The following BTBD8 variants were observed in gnomAD, a reference collection of about 807,000 sequenced individuals.
BTBD8 encodes BTB/POZ domain-containing protein 8.
A neutral mutation model predicts 162.9 loss-of-function variants in BTBD8; 110 were observed. The ratio of observed to expected loss-of-function variants is 0.68; its 90% CI spans 0.58 to 0.79. BTBD8 has a LOEUF of 0.79. BTBD8 is among the 30% of genes least tolerant of loss of function. The probability of loss-of-function intolerance (pLI) is 0.00; values close to 1 mark genes in which losing one functional copy is unlikely to be tolerated. For synonymous variants in BTBD8, 667 were observed against 716.1 expected, an observed-to-expected ratio of 0.93 and a Z score of 1.10; for missense variants, 1,905 against 2,085.4, an observed-to-expected ratio of 0.91 and a Z score of 1.68.
chr1:92,093,187 A>ATTTT (rs5776134), intron 2 of BTBD8, among the ~76,000 whole-genome samples: 11 of 119,844 alleles, frequency 9.2e-5, no homozygotes, highest in African/African-American at 1.9e-4. Context: ...TGAAATACCA[A>ATTTT]TTTTTTTTTT....
intron 4 of BTBD8, chr1:92,126,051 TG>T: frequency 4.1e-6 from 2 of 486,652 alleles, no homozygotes; most frequent in Admixed American, 2.3e-5. Context: ...ACTGAGAATG[TG>T]GAAGATGTAT....
chr1:92,164,751 TC>T (rs933618450), intron 9 of BTBD8, among the ~76,000 whole-genome samples: 31 of 149,780 alleles, frequency 2.1e-4, no homozygotes, highest in Admixed American at 1.7e-3. Flanking sequence ...AAGCTCTGCC[TC>T]CCGGGTTCAT....
At chr1:92,094,399 A>T (rs1010898878) in intron 2 of BTBD8, among the ~76,000 whole-genome samples, 1 of 152,256 alleles carries the variant, frequency 6.6e-6, no homozygotes, top group Admixed American at 6.5e-5. Context: ...ACAATGGAAA[A>T]TGTTGACATG....
intron 2 of BTBD8, among the ~76,000 whole-genome samples, chr1:92,100,214 A>G (rs762196024): frequency 2.6e-5 from 4 of 152,286 alleles, no homozygotes; most frequent in African/African-American, 4.8e-5. Context: ...TCCCTTTTAT[A>G]TGCTGCTGGA....
intron 9 of BTBD8, chr1:92,150,688 T>G (rs1650024914): frequency 6.6e-6 from 1 of 152,090 alleles, no homozygotes; most frequent in African/African-American, 2.4e-5. Context: ...CAGCGCAGGG[T>G]GCACTCACAG....
At chr1:92,148,597 G>A (rs1649980271) in intron 9 of BTBD8, among the ~76,000 whole-genome samples, 1 of 152,158 alleles carries the variant, frequency 6.6e-6, no homozygotes, top group African/African-American at 2.4e-5. Context: ...CTCTAGCCAG[G>A]ATTTATGGGC....
At chr1:92,096,298 G>A (rs2101898468) in intron 2 of BTBD8, among the ~76,000 whole-genome samples, 1 of 152,148 alleles carries the variant, frequency 6.6e-6, no homozygotes, top group East Asian at 1.9e-4. Context: ...ATCCTCTTAT[G>A]TCCTCATTTC....
chr1:92,121,622 G>A (rs1197552850), intron 4 of BTBD8, among the ~76,000 whole-genome samples: 6 of 152,094 alleles, frequency 3.9e-5, no homozygotes, highest in African/African-American at 1.4e-4. Context: ...TTAAAGTCCA[G>A]TTCTATGAAT....
At chr1:92,173,176 C>G (rs899559290) in intron 13 of BTBD8, among the ~76,000 whole-genome samples, 1 of 152,198 alleles carries the variant, frequency 6.6e-6, no homozygotes, top group Non-Finnish European at 1.5e-5. Context: ...CTGCCCGCCT[C>G]GGCCTCCCAA....
At chr1:92,082,880 A>G (rs189094975) in intron 1 of BTBD8, among the ~76,000 whole-genome samples, 1 of 152,256 alleles carries the variant, frequency 6.6e-6, no homozygotes, top group African/African-American at 2.4e-5. Flanking sequence ...TTGCCATCCT[A>G]CTATTTGCTA....
intron 2 of BTBD8, among the ~76,000 whole-genome samples, chr1:92,098,846 G>T (rs1195179458): frequency 1.3e-5 from 2 of 152,074 alleles, no homozygotes; most frequent in Non-Finnish European, 2.9e-5. Flanking sequence ...GACATGATTT[G>T]CAGAAGTTTT....
intron 9 of BTBD8, 133 bp downstream of exon 9, chr1:92,147,919 C>T: frequency 1.4e-6 from 1 of 726,748 alleles, no homozygotes; most frequent in Non-Finnish European, 2.2e-6. Flanking sequence ...ATTCAGATAA[C>T]CTAATCCTAA....
chr1:92,131,949 A>G (rs1649527070), intron 5 of BTBD8, among the ~76,000 whole-genome samples: 2 of 152,086 alleles, frequency 1.3e-5, no homozygotes, highest in Admixed American at 1.3e-4. Flanking sequence ...ATCTCAAGTG[A>G]TCCTCCCACC....
At chr1:92,183,613 A>G (rs901341513) in intron 17 of BTBD8, among the ~76,000 whole-genome samples, 3 of 152,040 alleles carry the variant, frequency 2.0e-5, no homozygotes, top group Non-Finnish European at 2.9e-5. Flanking sequence ...CTGTATCACA[A>G]GTTTTCAAAT....
At chr1:92,169,574 T>TA (rs200888004) in intron 12 of BTBD8, among the ~76,000 whole-genome samples, 1 of 151,492 alleles carries the variant, frequency 6.6e-6, no homozygotes, top group East Asian at 1.9e-4. Flanking sequence ...AACATGTGTT[T>TA]AAAAAAAATA....
chr1:92,170,276 A>G (rs777208586), intron 12 of BTBD8, among the ~76,000 whole-genome samples: 2 of 152,174 alleles, frequency 1.3e-5, no homozygotes, highest in African/African-American at 2.4e-5. Context: ...CTGTTACATT[A>G]TATCAGTGTA....
chr1:92,181,884 A>G lies in BTBD8; in HGVS notation c.4201A>G (p.Ile1401Val), dbSNP rs1340910547. 6.8e-5 allele frequency: 106 copies of G among 1,551,162 alleles called. No homozygotes were observed. The highest frequency in any genetic ancestry group is 9.8e-5 in the Admixed American group (5 of 50,958). ...TGAAAACGTTGCAGAAAATTTCTCT[A>G]TATCTAACCCAGCTCCTCAGCAGTT... is the stretch of plus-strand genomic sequence containing the variant. ...EAENVAENFSISNPAPQQFQG... is the reference protein window; with the variant it reads ...EAENVAENFSVSNPAPQQFQG... Residue 1401 changes from isoleucine (I) to valine (V), a missense_variant, in exon 17 of 18, where the codon ATA (isoleucine) becomes GTA (valine). Ile to Val is a conservative substitution (Grantham distance 29). Coordinates refer to ENST00000636805, the MANE Select transcript of BTBD8 (RefSeq NM_001376131.1).
At position 92,147,283 on chromosome 1, in the gene BTBD8, G is replaced by C; in HGVS notation, c.1019+15G>C. 1 of 1,578,152 alleles carries C rather than the reference G, an allele frequency of 6.3e-7. No individual in the cohort carries two copies. The highest frequency in any genetic ancestry group is 1.3e-5 in the African/African-American group (1 of 74,102). On this transcript the variant is annotated intron_variant, in intron 8 of 17. Coordinates refer to ENST00000636805, the MANE Select transcript of BTBD8 (RefSeq NM_001376131.1). ...GACTGCATGAAGTAAGTTATGTTAA[G>C]TAGTGCTGATACTATTAATTTAGGG...
intron 2 of BTBD8, among the ~76,000 whole-genome samples, chr1:92,092,017 CAG>C (rs1357739252): frequency 6.6e-6 from 1 of 152,110 alleles, no homozygotes; most frequent in African/African-American, 2.4e-5. Context: ...CCTTAACCCT[CAG>C]TGTGATAGTA....
Sources: gnomAD v4.1 joint callset for allele counts (sites outside exome capture counted in the v4.1 genomes callset) on GRCh38, gnomAD v4.1.1 for gene constraint, MANE v1.5 for transcripts, NCBI Gene and HGNC (gene_info 2026-07-23, HGNC 2026-07-21) for gene names.